Variants in TAS2R1 observed in about 807,000 individuals in gnomAD.
TAS2R1 encodes taste receptor type 2 member 1.
For synonymous variants in TAS2R1, 141 were observed against 134.2 expected, an observed-to-expected ratio of 1.05 and a Z score of -0.35; for missense variants, 370 against 353.4, an observed-to-expected ratio of 1.05 and a Z score of -0.38.
At chr5:9,764,613 A>C in the TAS2R1 span, among the ~76,000 whole-genome samples, 1 of 152,346 alleles carries the variant, frequency 6.6e-6, no homozygotes, top group African/African-American at 2.4e-5. Context: ...TCCCTTACAC[A>C]TAGAAGCATA....
the TAS2R1 span, among the ~76,000 whole-genome samples, chr5:9,776,298 C>T: frequency 6.6e-6 from 1 of 152,216 alleles, no homozygotes; most frequent in Non-Finnish European, 1.5e-5. Context: ...TCTCTCCATG[C>T]CACATGCCCA....
chr5:9,752,198 T>C, the TAS2R1 span, among the ~76,000 whole-genome samples: 1 of 152,168 alleles, frequency 6.6e-6, no homozygotes, highest in African/African-American at 2.4e-5. Context: ...GTATTTAGGG[T>C]GAGGCTGAAT....
intron 1 of TAS2R1, among the ~76,000 whole-genome samples, chr5:9,665,064 C>A (rs905212336): frequency 1.3e-5 from 2 of 152,214 alleles, no homozygotes; most frequent in African/African-American, 4.8e-5. Flanking sequence ...GGATTCTCTT[C>A]TCAGCCTCTT....
At chr5:9,850,174 T>A in the TAS2R1 span, among the ~76,000 whole-genome samples, 1 of 152,108 alleles carries the variant, frequency 6.6e-6, no homozygotes, top group Non-Finnish European at 1.5e-5. Flanking sequence ...TCTTCCCTCC[T>A]CTGGGCTTTA....
At chr5:9,813,896 T>A in the TAS2R1 span, among the ~76,000 whole-genome samples, 1 of 152,192 alleles carries the variant, frequency 6.6e-6, no homozygotes, top group East Asian at 1.9e-4. Context: ...TCATCTCTTT[T>A]CCCATTTGCA....
the TAS2R1 span, among the ~76,000 whole-genome samples, chr5:9,877,756 G>T: frequency 2.0e-5 from 3 of 152,178 alleles, no homozygotes; most frequent in Admixed American, 6.5e-5. Context: ...TTCTGTCTGC[G>T]AACTGCTTAA....
At chr5:9,813,182 G>A in the TAS2R1 span, among the ~76,000 whole-genome samples, 2 of 152,320 alleles carry the variant, frequency 1.3e-5, no homozygotes, top group South Asian at 4.1e-4. Flanking sequence ...GACAATGGAA[G>A]AGACAAAGGG....
the TAS2R1 span, among the ~76,000 whole-genome samples, chr5:9,741,229 G>A: frequency 6.6e-6 from 1 of 152,138 alleles, no homozygotes; most frequent in Non-Finnish European, 1.5e-5. Context: ...GACCCAGAGA[G>A]AACAATCAGA....
At chr5:9,708,688 T>G (rs1464505424) in intron 1 of TAS2R1, among the ~76,000 whole-genome samples, 1 of 152,132 alleles carries the variant, frequency 6.6e-6, no homozygotes, top group Non-Finnish European at 1.5e-5. Flanking sequence ...CATTCAATCA[T>G]TAAATCTTGG....
chr5:9,849,111 A>G, the TAS2R1 span, among the ~76,000 whole-genome samples: 3 of 152,232 alleles, frequency 2.0e-5, no homozygotes, highest in East Asian at 5.8e-4. Flanking sequence ...GCTGGGACCC[A>G]ACCCTCCTTC....
chr5:9,674,746 C>T (rs183570485), intron 1 of TAS2R1, among the ~76,000 whole-genome samples: 1 of 152,014 alleles, frequency 6.6e-6, no homozygotes, highest in African/African-American at 2.4e-5. Context: ...AACTTCTATT[C>T]CATTTTTCAC....
chr5:9,637,666 A>G (rs1739990628), intron 2 of TAS2R1, among the ~76,000 whole-genome samples: 1 of 152,088 alleles, frequency 6.6e-6, no homozygotes, highest in Non-Finnish European at 1.5e-5. Flanking sequence ...GAATTAATTC[A>G]AAAACATAGT....
chr5:9,704,646 T>C (rs938019769), intron 1 of TAS2R1, among the ~76,000 whole-genome samples: 1 of 152,166 alleles, frequency 6.6e-6, no homozygotes, highest in Non-Finnish European at 1.5e-5. Flanking sequence ...AAAAAAGTGG[T>C]AGACAAGTGG....
the TAS2R1 span, among the ~76,000 whole-genome samples, chr5:9,795,251 G>A: frequency 6.6e-6 from 1 of 152,166 alleles, no homozygotes; most frequent in Non-Finnish European, 1.5e-5. Context: ...GAAACCTGGA[G>A]ACACATGCAC....
intron 1 of TAS2R1, among the ~76,000 whole-genome samples, chr5:9,700,630 A>T (rs1741460710): frequency 1.3e-5 from 2 of 152,182 alleles, no homozygotes; most frequent in South Asian, 4.1e-4. Context: ...ACAAAGTACC[A>T]CAGATGGAGT....
intron 2 of TAS2R1, among the ~76,000 whole-genome samples, chr5:9,650,409 G>T (rs929819868): frequency 6.6e-6 from 1 of 151,962 alleles, no homozygotes; most frequent in South Asian, 2.1e-4. Context: ...ATACACTCCC[G>T]GCTATGTAGG....
At chr5:9,678,603 A>G (rs1740925879) in intron 1 of TAS2R1, among the ~76,000 whole-genome samples, 1 of 152,224 alleles carries the variant, frequency 6.6e-6, no homozygotes, top group Non-Finnish European at 1.5e-5. Flanking sequence ...ATGCAATCAT[A>G]AAAAGCAATG....
chr5:9,756,150 C>G, the TAS2R1 span, among the ~76,000 whole-genome samples: 4 of 152,146 alleles, frequency 2.6e-5, no homozygotes, highest in Admixed American at 1.3e-4. Context: ...AGAGTCTACA[C>G]GAGGGAGCAT....
the TAS2R1 span, among the ~76,000 whole-genome samples, chr5:9,857,340 A>G: frequency 1.3e-5 from 2 of 152,242 alleles, no homozygotes; most frequent in Non-Finnish European, 2.9e-5. Context: ...TAAATGTTTA[A>G]GGTGATGGAT....
Sources: allele counts gnomAD v4.1 joint callset (sites outside exome capture counted in the v4.1 genomes callset), GRCh38; gene constraint gnomAD v4.1.1; transcripts MANE v1.5; gene names NCBI Gene and HGNC (gene_info 2026-07-23, HGNC 2026-07-21).